The following HLCS variants were observed in gnomAD, a reference collection of about 807,000 sequenced individuals.
The protein encoded by HLCS is holocarboxylase synthetase, also known as biotin--protein ligase.
In HLCS, 53 loss-of-function variants were observed where a neutral mutation model predicts 75.0. The observed-to-expected ratio is 0.71, with a 90% CI of 0.57 to 0.89. The LOEUF (loss-of-function observed/expected upper bound fraction) is 0.89. Among genes scored for constraint, HLCS ranks in the 40% least tolerant of loss-of-function variants. HLCS has a pLI of 0.00. For missense variants in HLCS, 966 were observed against 1,074.0 expected, an observed-to-expected ratio of 0.90 and a Z score of 1.41; for synonymous variants, 431 against 428.6, an observed-to-expected ratio of 1.01 and a Z score of -0.07.
intron 9 of HLCS, among the ~76,000 whole-genome samples, chr21:36,758,586 C>T (rs1436041597): frequency 2.0e-5 from 3 of 152,116 alleles, no homozygotes; most frequent in Non-Finnish European, 4.4e-5. Context: ...CTTCGCTTAC[C>T]CCACGCTGAT....
intron 1 of HLCS, chr21:36,974,934 C>A (rs13050516): frequency 0.41 from 62,080 of 151,890 alleles, 13,435 homozygotes; most frequent in South Asian, 0.53. Context: ...GTCTCTGTCT[C>A]TAACCCCTCT....
intron 5 of HLCS, among the ~76,000 whole-genome samples, chr21:36,918,730 T>C (rs1482298310): frequency 1.3e-5 from 2 of 152,226 alleles, no homozygotes; most frequent in African/African-American, 4.8e-5. Flanking sequence ...ATTATTCCAA[T>C]TGGCGACTTG....
intron 6 of HLCS, among the ~76,000 whole-genome samples, chr21:36,866,577 G>A (rs1183825584): frequency 6.6e-6 from 1 of 152,154 alleles, no homozygotes; most frequent in Non-Finnish European, 1.5e-5. Context: ...TCATTTACAC[G>A]ACTATTTTCA....
chr21:36,822,470 T>A (rs969252506), intron 6 of HLCS, among the ~76,000 whole-genome samples: 1 of 152,206 alleles, frequency 6.6e-6, no homozygotes, highest in Non-Finnish European at 1.5e-5. Flanking sequence ...ATCTAATGGA[T>A]GACACACAGA....
In HLCS at chr21:36,936,578, G is replaced by C; in HGVS notation, c.1308C>G (p.Cys436Trp). The C allele has an allele frequency of 6.2e-7, 1 of 1,614,186 alleles. No homozygotes were observed. The highest frequency in any genetic ancestry group is 8.5e-7 in the Non-Finnish European group (1 of 1,180,022). The stretch of plus-strand genomic sequence containing the variant: ...GCCGGACGGGGCCTTCCTGGTACCT[G>C]CAGCCACTGCTCAAGACGCTGAGCT... Reference protein sequence around the residue: ...EVKLSVLSSGCRYQEGPVRLS... With the variant: ...EVKLSVLSSGWRYQEGPVRLS... The change falls in exon 4 of 11, where the codon TGC becomes TGG. Residue 436 changes from cysteine to tryptophan, a missense_variant. Coordinates refer to ENST00000674895, the MANE Select transcript of HLCS (RefSeq NM_001352514.2).
intron 6 of HLCS, among the ~76,000 whole-genome samples, chr21:36,835,426 A>G (rs919138167): frequency 2.6e-5 from 4 of 152,248 alleles, no homozygotes; most frequent in Non-Finnish European, 5.9e-5. Flanking sequence ...TGAAATCCAG[A>G]GCATATGTCA....
intron 1 of HLCS, among the ~76,000 whole-genome samples, chr21:36,979,461 A>G (rs764451597): frequency 2.0e-5 from 3 of 152,182 alleles, no homozygotes; most frequent in Non-Finnish European, 4.4e-5. Flanking sequence ...TTATGTTTCT[A>G]TAGAGGCACC....
At chr21:36,777,478 C>T (rs1473262611) in intron 6 of HLCS, among the ~76,000 whole-genome samples, 5 of 152,270 alleles carry the variant, frequency 3.3e-5, no homozygotes, top group Non-Finnish European at 2.9e-5. Context: ...AGAGTGTATT[C>T]AAATTGTGTC....
At chr21:36,835,587 G>A (rs1330594110) in intron 6 of HLCS, among the ~76,000 whole-genome samples, 2 of 152,156 alleles carry the variant, frequency 1.3e-5, no homozygotes, top group African/African-American at 4.8e-5. Context: ...AGACTCTGGG[G>A]AGGAGCTCCA....
At chr21:36,890,205 TA>T (rs925756759) in intron 6 of HLCS, among the ~76,000 whole-genome samples, 5 of 152,210 alleles carry the variant, frequency 3.3e-5, no homozygotes, top group Admixed American at 3.3e-4. Context: ...CTTTCCTTTG[TA>T]AATTACCCAG....
At chr21:36,849,205 TAGAG>T (rs1365110913) in intron 6 of HLCS, among the ~76,000 whole-genome samples, 1 of 152,220 alleles carries the variant, frequency 6.6e-6, no homozygotes, top group Admixed American at 6.5e-5. Context: ...TTGGCCCACT[TAGAG>T]AGCCACAGGT....
At chr21:36,803,510 C>T (rs949349955) in intron 6 of HLCS, among the ~76,000 whole-genome samples, 10 of 152,336 alleles carry the variant, frequency 6.6e-5, no homozygotes, top group South Asian at 4.1e-4. Flanking sequence ...GCCCACGAGG[C>T]GCACAGCGAG....
intron 2 of HLCS, among the ~76,000 whole-genome samples, chr21:36,942,273 G>A (rs1236920544): frequency 6.6e-6 from 1 of 151,796 alleles, no homozygotes; most frequent in Non-Finnish European, 1.5e-5. Flanking sequence ...ACCTCTTTTA[G>A]AAAAAGGAGA....
rs76516632 is a variant in HLCS, at chr21:36,802,520, A to C, written c.1893-35235T>G. Reference sequence around the variant, plus strand: ...ATTCATTCAGAAAATTTAGTCAATAAAAAAAGTTGAAAAGTTGCTATTGTT... The same window carrying C: ...ATTCATTCAGAAAATTTAGTCAATACAAAAAGTTGAAAAGTTGCTATTGTT... On this transcript the variant is annotated intron_variant, in intron 6 of 10. Coordinates refer to ENST00000674895, the MANE Select transcript of HLCS (RefSeq NM_001352514.2). Among the ~76,000 whole-genome samples the C allele has an allele frequency of 5.5e-3, 831 of 152,324 alleles. 13 individuals carry two copies. Among genetic ancestry groups the C allele is most frequent in the East Asian group, 0.033 (170 of 5,190 alleles).
At chr21:36,950,179 TAA>T (rs56407653) in intron 2 of HLCS, among the ~76,000 whole-genome samples, 16 of 150,682 alleles carry the variant, frequency 1.1e-4, no homozygotes, top group Non-Finnish European at 1.0e-4. Context: ...CATTCTGCTT[TAA>T]AAAAAAAAAT....
intron 6 of HLCS, among the ~76,000 whole-genome samples, chr21:36,810,542 C>G (rs546897531): frequency 6.6e-6 from 1 of 152,204 alleles, no homozygotes; most frequent in East Asian, 1.9e-4. Context: ...GGTTCTCCCA[C>G]CATAAACTTG....
At chr21:36,929,704 C>T (rs1302514417) in intron 5 of HLCS, among the ~76,000 whole-genome samples, 7 of 152,156 alleles carry the variant, frequency 4.6e-5, no homozygotes, top group Non-Finnish European at 2.9e-5. Context: ...TTAGCAAGAA[C>T]CTACACCTGG....
At chr21:36,966,822 G>C (rs1018837806), upstream of HLCS, among the ~76,000 whole-genome samples, 27 of 147,856 alleles carry the variant, frequency 1.8e-4, 1 homozygote, top group African/African-American at 5.6e-4. Flanking sequence ...GGGAGGGGCG[G>C]GGGGGGGTGA....
At chr21:36,897,303 A>C (rs2065054439) in intron 5 of HLCS, among the ~76,000 whole-genome samples, 172 bp from the exon 6 acceptor site, 1 of 152,230 alleles carries the variant, frequency 6.6e-6, no homozygotes, top group South Asian at 2.1e-4. Flanking sequence ...TGATAATCAT[A>C]TACTTAGTAT....
Sources: gnomAD v4.1 joint callset for allele counts (sites outside exome capture counted in the v4.1 genomes callset) on GRCh38, gnomAD v4.1.1 for gene constraint, MANE v1.5 for transcripts, NCBI Gene and HGNC (gene_info 2026-07-23, HGNC 2026-07-21) for gene names.